DRC8: variants seen among roughly 807,000 people sequenced by gnomAD.
DRC8 encodes the protein dynein regulatory complex subunit 8, also known as dynein regulatory complex protein 8.
the DRC8 span, among the ~76,000 whole-genome samples, chr1:245,106,017 T>A: frequency 6.6e-6 from 1 of 152,204 alleles, no homozygotes; most frequent in African/African-American, 2.4e-5. Flanking sequence ...AGTTCGAGGC[T>A]GCAGTATTGC....
At chr1:244,978,059 A>AT in the DRC8 span, among the ~76,000 whole-genome samples, 2 of 152,260 alleles carry the variant, frequency 1.3e-5, no homozygotes, top group African/African-American at 4.8e-5. Context: ...AAATATGCTA[A>AT]TTAAAAATTA....
At chr1:245,044,712 G>A in the DRC8 span, among the ~76,000 whole-genome samples, 22 of 151,916 alleles carry the variant, frequency 1.4e-4, no homozygotes, top group Non-Finnish European at 2.5e-4. Flanking sequence ...GATTACAGGC[G>A]CCTGCCACCA....
chr1:245,050,052 T>A, the DRC8 span, among the ~76,000 whole-genome samples: 1 of 152,148 alleles, frequency 6.6e-6, no homozygotes, highest in Admixed American at 6.5e-5. Flanking sequence ...ACGAACCTGA[T>A]GGCTAGAGGC....
chr1:245,003,613 G>A, the DRC8 span, among the ~76,000 whole-genome samples: 1 of 152,028 alleles, frequency 6.6e-6, no homozygotes, highest in African/African-American at 2.4e-5. Context: ...TTTTTGAGAT[G>A]GGGTTTTGCT....
At chr1:244,982,790 G>GA in the DRC8 span, among the ~76,000 whole-genome samples, 6 of 151,708 alleles carry the variant, frequency 4.0e-5, no homozygotes, top group African/African-American at 1.5e-4. Flanking sequence ...AGAAATATTT[G>GA]AAAAAATGGG....
chr1:245,014,841 T>G, the DRC8 span, among the ~76,000 whole-genome samples: 1 of 151,420 alleles, frequency 6.6e-6, no homozygotes, highest in Non-Finnish European at 1.5e-5. Context: ...ACGTAGAACC[T>G]GGTGTATAGT....
the DRC8 span, among the ~76,000 whole-genome samples, chr1:245,046,458 C>T: frequency 2.6e-5 from 4 of 152,146 alleles, no homozygotes; most frequent in South Asian, 2.1e-4. Flanking sequence ...GTTAGCAATA[C>T]GGTTTCCTCC....
chr1:245,010,917 T>C, the DRC8 span, among the ~76,000 whole-genome samples: 1 of 151,766 alleles, frequency 6.6e-6, no homozygotes, highest in East Asian at 1.9e-4. Context: ...TTCTAACCTC[T>C]TGATCTGCCT....
At chr1:244,973,416 G>T in the DRC8 span, among the ~76,000 whole-genome samples, 1 of 152,196 alleles carries the variant, frequency 6.6e-6, no homozygotes, top group East Asian at 1.9e-4. Flanking sequence ...TGTGCAGAGT[G>T]CTTGGAACGT....
At chr1:245,117,019 G>A in the DRC8 span, among the ~76,000 whole-genome samples, 1 of 152,142 alleles carries the variant, frequency 6.6e-6, no homozygotes, top group Non-Finnish European at 1.5e-5. Flanking sequence ...CCAAGGTTAA[G>A]CAATTTGCAT....
At chr1:244,970,880 G>A in the DRC8 span, 1 of 217,664 alleles carries the variant, frequency 4.6e-6, no homozygotes, top group Non-Finnish European at 9.0e-6. Flanking sequence ...TCACGGTCGC[G>A]GGGAAGCCGC....
At chr1:245,081,148 T>A in the DRC8 span, among the ~76,000 whole-genome samples, 1 of 149,756 alleles carries the variant, frequency 6.7e-6, no homozygotes, top group East Asian at 1.9e-4. Flanking sequence ...TTATTTTTTA[T>A]TTTTTTATTT....
chr1:245,108,012 T>C, the DRC8 span, among the ~76,000 whole-genome samples: 1 of 152,044 alleles, frequency 6.6e-6, no homozygotes, highest in African/African-American at 2.4e-5. Context: ...CCCTCCATGC[T>C]CTCCCCTTGA....
chr1:245,058,542 G>A, the DRC8 span, among the ~76,000 whole-genome samples: 1 of 151,926 alleles, frequency 6.6e-6, no homozygotes, highest in African/African-American at 2.4e-5. Flanking sequence ...TATCCAGAGT[G>A]GTAAAGAAAT....
At chr1:245,062,069 A>G in the DRC8 span, among the ~76,000 whole-genome samples, 11 of 152,314 alleles carry the variant, frequency 7.2e-5, no homozygotes, top group East Asian at 1.9e-3. Flanking sequence ...TCATACCACT[A>G]CACTCCAGCC....
chr1:245,034,321 A>G, the DRC8 span, among the ~76,000 whole-genome samples: 1 of 151,784 alleles, frequency 6.6e-6, no homozygotes, highest in Non-Finnish European at 1.5e-5. Flanking sequence ...AAATGACAGG[A>G]TGGGCGCAGT....
chr1:245,104,549 C>G, the DRC8 span, among the ~76,000 whole-genome samples: 1 of 151,870 alleles, frequency 6.6e-6, no homozygotes, highest in African/African-American at 2.4e-5. Flanking sequence ...TAAATGGACC[C>G]CCGTGTATTT....
the DRC8 span, among the ~76,000 whole-genome samples, chr1:244,973,624 CA>C: frequency 6.6e-6 from 1 of 152,162 alleles, no homozygotes; most frequent in Admixed American, 6.5e-5. Flanking sequence ...TCTGGCTCAA[CA>C]AAACGTTTTA....
At chr1:245,081,764 C>T in the DRC8 span, among the ~76,000 whole-genome samples, 10 of 152,170 alleles carry the variant, frequency 6.6e-5, no homozygotes, top group Non-Finnish European at 1.0e-4. Flanking sequence ...CCACCACGCC[C>T]GGCCGAGTGT....
Sources: gnomAD v4.1 joint callset for allele counts (sites outside exome capture counted in the v4.1 genomes callset) on GRCh38, gnomAD v4.1.1 for gene constraint, MANE v1.5 for transcripts, NCBI Gene and HGNC (gene_info 2026-07-23, HGNC 2026-07-21) for gene names.